Variants in PTPRD observed in about 807,000 individuals in gnomAD.
PTPRD encodes receptor-type tyrosine-protein phosphatase delta.
In PTPRD, 34 loss-of-function variants were observed where a neutral mutation model predicts 214.5. The observed-to-expected ratio is 0.16, with a 90% CI of 0.12 to 0.21. The LOEUF (loss-of-function observed/expected upper bound fraction) is 0.21. PTPRD is among the 10% of genes least tolerant of loss of function. PTPRD has a pLI of 1.00. For missense variants in PTPRD, 2,545 were observed against 2,398.7 expected (o/e 1.06, Z -1.27); for synonymous variants, 1,128 against 845.7 (o/e 1.33, Z -5.79).
intron 5 of PTPRD, among the ~76,000 whole-genome samples, chr9:9,882,426 C>A (rs576004024): frequency 2.6e-5 from 4 of 152,114 alleles, no homozygotes; most frequent in Non-Finnish European, 4.4e-5. Context: ...TTGGTTTCTT[C>A]TGCTGAGAAA....
intron 9 of PTPRD, among the ~76,000 whole-genome samples, chr9:9,385,859 T>C (rs2063712423): frequency 6.6e-6 from 1 of 152,190 alleles, no homozygotes; most frequent in South Asian, 2.1e-4. Flanking sequence ...AGGTAAATGT[T>C]AGAGGTGTCA....
At chr9:9,824,785 T>G (rs1223470219) in intron 5 of PTPRD, among the ~76,000 whole-genome samples, 4 of 152,118 alleles carry the variant, frequency 2.6e-5, no homozygotes, top group African/African-American at 9.6e-5. Context: ...ATACAAGTTG[T>G]ATTAATGATC....
intron 39 of PTPRD, among the ~76,000 whole-genome samples, chr9:8,363,555 C>CA (rs60694404): frequency 0.037 from 5,619 of 152,154 alleles, 372 homozygotes; most frequent in African/African-American, 0.13. Context: ...ATAGATTGAC[C>CA]AAAAAACCCT....
In PTPRD at chr9:8,510,377, G is replaced by T. The variant is rs144119617; in HGVS notation, c.1544-2943C>A. 3.0e-3 allele frequency among the ~76,000 whole-genome samples: 459 copies of T among 152,296 alleles called. 2 individuals are homozygous for T. Among genetic ancestry groups the T allele is most frequent in the African/African-American group, 9.9e-3 (411 of 41,562 alleles). On this transcript the variant is annotated intron_variant, in intron 21 of 45. Coordinates refer to ENST00000381196, the MANE Select transcript of PTPRD (RefSeq NM_002839.4). ...CAGAGGTGTCAGGTAATTTAGATGA[G>T]TGAGAAGGCCATATGGGGCCTGGGG...
intron 7 of PTPRD, among the ~76,000 whole-genome samples, chr9:9,676,520 C>A (rs1342580441): frequency 5.3e-5 from 8 of 152,032 alleles, no homozygotes; most frequent in African/African-American, 1.4e-4. Flanking sequence ...TTAATCCAGT[C>A]TACCATTGAT....
Position 10,529,084 on chromosome 9 carries a change from G to T in PTPRD, c.-600+83314C>A, listed in dbSNP as rs143287265. On this transcript the variant is annotated intron_variant, in intron 2 of 45. Coordinates refer to ENST00000381196, the MANE Select transcript of PTPRD (RefSeq NM_002839.4). ...TAAAATAATTCATTTTCATGACAAT[G>T]AAAGCAAAAAATAGATTTGATCTCC... is the stretch of plus-strand genomic sequence containing the variant. 2.6e-4 allele frequency among the ~76,000 whole-genome samples: 39 copies of T among 152,052 alleles called. No homozygotes were observed. The East Asian group carries it at 7.0e-3, about 27-fold the overall frequency.
chr9:9,448,763 G>C, intron 8 of PTPRD, among the ~76,000 whole-genome samples: 1 of 151,976 alleles, frequency 6.6e-6, no homozygotes, highest in East Asian at 1.9e-4. Context: ...AGTTCAAAGA[G>C]ATCCAGGAAA....
intron 39 of PTPRD, among the ~76,000 whole-genome samples, chr9:8,359,116 AAAAAAACAAAAAAAAAAAAAAAC>A (rs1371006806): frequency 0.015 from 234 of 15,426 alleles, 28 homozygotes; most frequent in African/African-American, 0.023. Flanking sequence ...TCAAAAAAAA[AAAAAAACAAAAAAAAAAAAAAAC>A]AAAAAAAAAT....
intron 5 of PTPRD, among the ~76,000 whole-genome samples, chr9:9,908,018 T>C (rs949992618): frequency 4.0e-5 from 6 of 151,626 alleles, no homozygotes; most frequent in Non-Finnish European, 7.4e-5. Context: ...CTATATAGTA[T>C]ACAGTGAGAT....
intron 10 of PTPRD, 32 bp downstream of exon 10, chr9:9,183,271 AG>A (rs2099929316): frequency 6.6e-6 from 1 of 152,056 alleles, no homozygotes; most frequent in Non-Finnish European, 1.5e-5. Context: ...GACCCAGAGA[AG>A]GGAAAGGGTT....
At chr9:9,687,568 T>C (rs1464001086) in intron 7 of PTPRD, among the ~76,000 whole-genome samples, 4 of 151,646 alleles carry the variant, frequency 2.6e-5, no homozygotes, top group Non-Finnish European at 5.9e-5. Flanking sequence ...AAATAACTTT[T>C]TACATATGTT....
intron 9 of PTPRD, among the ~76,000 whole-genome samples, chr9:9,245,025 T>A (rs943168176): frequency 2.6e-5 from 4 of 151,922 alleles, no homozygotes; most frequent in South Asian, 4.2e-4. Flanking sequence ...AGCCAACAGA[T>A]ACAAGAAAAA....
chr9:8,754,360 T>C (rs945524788), intron 11 of PTPRD, among the ~76,000 whole-genome samples: 4 of 152,138 alleles, frequency 2.6e-5, no homozygotes, highest in African/African-American at 9.7e-5. Flanking sequence ...CAAGACTTAT[T>C]ATAAAGCCAC....
chr9:8,876,517 C>A (rs917181915), intron 11 of PTPRD, among the ~76,000 whole-genome samples: 1 of 152,160 alleles, frequency 6.6e-6, no homozygotes, highest in Non-Finnish European at 1.5e-5. Flanking sequence ...AGGGTAATCA[C>A]TTTACTACAG....
intron 2 of PTPRD, among the ~76,000 whole-genome samples, chr9:10,354,120 C>G (rs988392274): frequency 1.3e-5 from 2 of 151,998 alleles, no homozygotes; most frequent in African/African-American, 4.8e-5. Context: ...GCCATTTAAT[C>G]GGTAATTGCA....
intron 39 of PTPRD, among the ~76,000 whole-genome samples, chr9:8,369,950 T>C (rs2081015315): frequency 6.6e-6 from 1 of 152,078 alleles, no homozygotes; most frequent in South Asian, 2.1e-4. Context: ...TACTAGAATA[T>C]AGTCTTTATA....
chr9:9,843,454 T>C (rs1156879538), intron 5 of PTPRD, among the ~76,000 whole-genome samples: 1 of 151,952 alleles, frequency 6.6e-6, no homozygotes, highest in Non-Finnish European at 1.5e-5. Flanking sequence ...GTTACTTATA[T>C]ACTCTAAACC....
chr9:9,799,767 C>T (rs1387078576), intron 5 of PTPRD, among the ~76,000 whole-genome samples: 1 of 151,940 alleles, frequency 6.6e-6, no homozygotes, highest in African/African-American at 2.4e-5. Context: ...TTAAAAGTAA[C>T]AAAAGAGTTT....
At chr9:10,431,447 A>G (rs1452775903) in intron 2 of PTPRD, among the ~76,000 whole-genome samples, 1 of 152,106 alleles carries the variant, frequency 6.6e-6, no homozygotes, top group African/African-American at 2.4e-5. Context: ...GATCTAATGA[A>G]ACTAAAGAGC....
Sources: allele counts gnomAD v4.1 joint callset (sites outside exome capture counted in the v4.1 genomes callset), GRCh38; gene constraint gnomAD v4.1.1; transcripts MANE v1.5; gene names NCBI Gene and HGNC (gene_info 2026-07-23, HGNC 2026-07-21).